HMCN1: variants seen among roughly 807,000 people sequenced by gnomAD.
HMCN1 encodes hemicentin-1.
A neutral mutation model predicts 625.9 loss-of-function variants in HMCN1; 321 were observed. The observed-to-expected ratio is 0.51, with a 90% confidence interval of 0.47 to 0.56. The LOEUF (loss-of-function observed/expected upper bound fraction) is 0.56, where lower values mean the gene tolerates loss of function less well. HMCN1 is among the 20% of genes least tolerant of loss of function. The pLI is 0.00. For missense variants in HMCN1, 6,588 were observed against 6,887.3 expected (o/e 0.96, Z 1.54); for synonymous variants, 2,425 against 2,417.6 (o/e 1.00, Z -0.09).
intron 16 of HMCN1, among the ~76,000 whole-genome samples, chr1:185,979,335 G>A (rs1651456397): frequency 6.6e-6 from 1 of 152,154 alleles, no homozygotes; most frequent in Non-Finnish European, 1.5e-5. Flanking sequence ...AAGATAGGAA[G>A]AGAGATGAGA....
intron 4 of HMCN1, among the ~76,000 whole-genome samples, chr1:185,892,902 C>T (rs1482942341): frequency 3.3e-5 from 5 of 152,182 alleles, no homozygotes; most frequent in South Asian, 2.1e-4. Flanking sequence ...GGGCGCCCCT[C>T]CCCCAGCCTC....
chr1:186,159,497 C>G (rs1281947475), intron 97 of HMCN1, among the ~76,000 whole-genome samples: 1 of 152,082 alleles, frequency 6.6e-6, no homozygotes, highest in Non-Finnish European at 1.5e-5. Context: ...TGTCTTGTGC[C>G]AGTTTTCAAA....
At chr1:186,090,104 C>T (rs187900988) in intron 63 of HMCN1, among the ~76,000 whole-genome samples, 4 of 151,894 alleles carry the variant, frequency 2.6e-5, no homozygotes, top group East Asian at 1.9e-4. Context: ...TTCTGCACAT[C>T]GCTATGATCA....
At chr1:186,129,417 T>C (rs911595029) in intron 83 of HMCN1, among the ~76,000 whole-genome samples, 8 of 151,810 alleles carry the variant, frequency 5.3e-5, no homozygotes, top group African/African-American at 1.9e-4. Context: ...TGTAAATATT[T>C]ATATAATCAC....
Position 186,038,001 on chromosome 1 carries a change from G to A in HMCN1, c.5817G>A (p.Gln1939=), listed in dbSNP as rs1287074492. The change falls in exon 37 of 107, where the codon CAG becomes CAA. Residue 1939 remains glutamine (Q), a synonymous_variant. Coordinates refer to ENST00000271588, the MANE Select transcript of HMCN1 (RefSeq NM_031935.3). ...NETVLVSNPV[Q]LECKAAGNPV... is the part of the protein sequence containing the mutation. ...CTGTGTTGGTGAGCAACCCTGTACA[G>A]CTGGAGTGTAAGGCAGCTGGAAATC... is the stretch of plus-strand genomic sequence containing the variant. 3 of 1,612,768 alleles carry A rather than the reference G, an allele frequency of 1.9e-6. No homozygotes were observed. The highest frequency in any genetic ancestry group is 3.3e-5 in the Admixed American group (2 of 59,996).
rs758470960 is a variant in HMCN1, at chr1:186,123,054, A to C, written c.12333A>C (p.Thr4111=). Residue 4111 remains threonine (T), a synonymous_variant, in exon 81 of 107, where the codon ACA becomes ACC. Transcript: ENST00000271588. The part of the protein sequence containing the change: ...EADGLPPPDI[T]WHKDGRAIVE... Reference sequence around the variant, plus strand: ...ATGGCCTCCCTCCGCCTGACATTACATGGCATAAAGATGGGCGTGCAATTG... The same window carrying C: ...ATGGCCTCCCTCCGCCTGACATTACCTGGCATAAAGATGGGCGTGCAATTG... 3.7e-6 allele frequency: 6 copies of C among 1,614,118 alleles called. No individual in the cohort carries two copies. Among genetic ancestry groups the C allele is most frequent in the Non-Finnish European group, 5.1e-6 (6 of 1,180,000 alleles).
intron 105 of HMCN1, among the ~76,000 whole-genome samples, chr1:186,185,472 C>T (rs1362232876): frequency 3.3e-5 from 5 of 152,174 alleles, no homozygotes; most frequent in Non-Finnish European, 5.9e-5. Flanking sequence ...GTAGGCAAGA[C>T]TTCACTGAAA....
intron 1 of HMCN1, among the ~76,000 whole-genome samples, chr1:185,766,510 T>C (rs1308899161): frequency 1.3e-5 from 2 of 151,526 alleles, no homozygotes; most frequent in Non-Finnish European, 2.9e-5. Context: ...ACTGCACGAG[T>C]AGTCATTTTA....
Position 186,144,335 on chromosome 1 carries a change from A to G in HMCN1, c.14087A>G (p.Asn4696Ser), listed in dbSNP as rs773950582. The G allele has an allele frequency of 1.2e-6, 2 of 1,613,478 alleles. No homozygotes were observed. Among genetic ancestry groups the G allele is most frequent in the South Asian group, 2.2e-5 (2 of 91,044 alleles). Residue 4696 changes from asparagine (N) to serine (S), a missense_variant, in exon 90 of 107, where the codon AAT (asparagine) becomes AGT (serine). By Grantham distance (46) the Asn-to-Ser change is conservative. Coordinates refer to ENST00000271588, the MANE Select transcript of HMCN1 (RefSeq NM_031935.3). ...ETQMQVCNER[N>S]CPIHGKWATW... is the part of the protein sequence containing the mutation. ...CAGATGCAAGTTTGCAATGAAAGAA[A>G]TTGTCCAAGTAAGAGAAATACACTG...
At chr1:185,772,037 C>T (rs16824465) in intron 1 of HMCN1, among the ~76,000 whole-genome samples, 1 of 152,034 alleles carries the variant, frequency 6.6e-6, no homozygotes, top group African/African-American at 2.4e-5. Flanking sequence ...AGGCCACTCA[C>T]GGCAATGGGC....
At chr1:185,865,624 C>T in intron 3 of HMCN1, 117 bp from the exon 4 acceptor site, 2 of 739,148 alleles carry the variant, frequency 2.7e-6, no homozygotes, top group Non-Finnish European at 4.6e-6. Flanking sequence ...CACACACACA[C>T]ACACACATTC....
At chr1:186,028,756 G>T (rs1449575249) in intron 36 of HMCN1, among the ~76,000 whole-genome samples, 9 of 139,278 alleles carry the variant, frequency 6.5e-5, no homozygotes, top group Admixed American at 7.6e-5. Flanking sequence ...ACGGAGTCTC[G>T]CACTGTTGCC....
At chr1:186,007,055 A>G in intron 29 of HMCN1, 73 bp from the exon 30 acceptor site, 1 of 1,190,108 alleles carries the variant, frequency 8.4e-7, no homozygotes, top group Non-Finnish European at 1.3e-6. Flanking sequence ...TGTACTAATG[A>G]TTTTTGTTGT....
chr1:185,909,256 A>T, intron 4 of HMCN1, 81 bp from the exon 5 acceptor site: 2 of 1,075,820 alleles, frequency 1.9e-6, no homozygotes, highest in Non-Finnish European at 2.9e-6. Flanking sequence ...TCATTTGATC[A>T]CCCAAAGGAC....
At chr1:186,175,892 GAAAGAAAAGA>G (rs1553310232) in intron 103 of HMCN1, among the ~76,000 whole-genome samples, 2 of 135,084 alleles carry the variant, frequency 1.5e-5, no homozygotes, top group South Asian at 4.8e-4. Flanking sequence ...AAAAAAAAAA[GAAAGAAAAGA>G]AAAGAAAAGA....
In HMCN1 at chr1:185,997,485, G is replaced by C. The variant is rs1269838821; in HGVS notation, c.3835G>C (p.Val1279Leu). The C allele has an allele frequency of 2.5e-6, 4 of 1,612,888 alleles. No individual in the cohort carries two copies. The highest frequency in any genetic ancestry group is 3.3e-5 in the Admixed American group (2 of 59,930). ...ATATAACACTACTTTCCAAGAAAGA[G>C]TGGCCAATCAACGCATTGAATTTCC... ...PPYNTTFQER[V>L]ANQRIEFPCP... The change falls in exon 25 of 107, where the codon GTG becomes CTG. Residue 1279 changes from valine (V) to leucine (L), a missense_variant. Physicochemically the swap from Val to Leu is conservative, Grantham distance 32. Around this residue, in one of 3 missense-constraint regions of HMCN1, gnomAD observed 4,628 missense variants for 4,853.1 expected, o/e 0.95. Transcript: ENST00000271588.
rs116025369 is a variant in HMCN1, at chr1:185,823,239, A to T, written c.269-22787A>T. On this transcript the variant is annotated intron_variant, in intron 1 of 106. Transcript: ENST00000271588. Reference sequence around the variant, plus strand: ...TTTGAATAGATGTGATAATTTCTCCAGAGCAATGCGTTCTTGAGAAAGATC... The same window carrying T: ...TTTGAATAGATGTGATAATTTCTCCTGAGCAATGCGTTCTTGAGAAAGATC... Among the ~76,000 whole-genome samples the T allele has an allele frequency of 7.4e-3, 1,121 of 152,252 alleles. 9 individuals carry two copies. The highest frequency in any genetic ancestry group is 0.027 in the Middle Eastern group (8 of 294).
chr1:186,107,347 GTTAT>G (rs1188751301), intron 70 of HMCN1, among the ~76,000 whole-genome samples: 1 of 152,036 alleles, frequency 6.6e-6, no homozygotes, highest in African/African-American at 2.4e-5. Flanking sequence ...TTGTTTTTGA[GTTAT>G]TTGATTAGTT....
At chr1:186,160,583 C>G (rs1415400844) in intron 97 of HMCN1, among the ~76,000 whole-genome samples, 4 of 152,002 alleles carry the variant, frequency 2.6e-5, no homozygotes, top group African/African-American at 9.7e-5. Flanking sequence ...CCTCTACACA[C>G]TGCTTTGTAT....
Sources: gnomAD v4.1 joint callset for allele counts (sites outside exome capture counted in the v4.1 genomes callset) on GRCh38, gnomAD v4.1.1 for gene constraint, gnomAD v4.1.1 regional missense constraint, MANE v1.5 for transcripts, NCBI Gene and HGNC (gene_info 2026-07-23, HGNC 2026-07-21) for gene names.